The following NUP210L variants were observed in gnomAD, a reference collection of about 807,000 sequenced individuals.
NUP210L encodes nuclear pore membrane glycoprotein 210-like.
Under a neutral mutation model 208.5 loss-of-function variants are expected in NUP210L, and 74 were observed. That is an observed-to-expected ratio of 0.35 (90% CI 0.29 to 0.43). NUP210L has a LOEUF of 0.43. Ranked by LOEUF, NUP210L falls within the 20% of genes least tolerant of loss-of-function variation. The pLI is 1.00. For missense variants in NUP210L, 1,843 were observed against 2,289.4 expected, an observed-to-expected ratio of 0.81 and a Z score of 3.98; for synonymous variants, 780 against 816.9, an observed-to-expected ratio of 0.95 and a Z score of 0.77.
chr1:154,085,326 A>G (rs2494664), intron 16 of NUP210L, among the ~76,000 whole-genome samples: 82,999 of 149,610 alleles, frequency 0.55, 24,090 homozygotes, highest in East Asian at 0.89. Context: ...CTCCAGCCTC[A>G]GCGACAGAGC....
intron 2 of NUP210L, among the ~76,000 whole-genome samples, chr1:154,144,716 A>C (rs1340777477): frequency 1.3e-5 from 2 of 152,240 alleles, no homozygotes; most frequent in African/African-American, 4.8e-5. Flanking sequence ...CCAAAAAGCA[A>C]AGTTACGACC....
chr1:154,032,267 T>TG (rs1403157538), intron 27 of NUP210L, among the ~76,000 whole-genome samples: 1 of 152,182 alleles, frequency 6.6e-6, no homozygotes, highest in African/African-American at 2.4e-5. Flanking sequence ...TTTAGTTTTT[T>TG]GAAAACCTCC....
Position 154,025,538 on chromosome 1 carries a change from T to G in NUP210L, c.4122+4A>C. 5 of 1,585,924 alleles carry G rather than the reference T, an allele frequency of 3.2e-6. No homozygotes were observed. Among genetic ancestry groups the G allele is most frequent in the Non-Finnish European group, 4.3e-6 (5 of 1,162,288 alleles). On this transcript the variant is annotated splice_donor_region_variant and intron_variant, in intron 30 of 39. Transcript: ENST00000368559. ...TGTTTTTTTTAGTAAGTCCATGAAC[T>G]CACCTGGACCCCAGTTATGGTTGTT...
intron 37 of NUP210L, among the ~76,000 whole-genome samples, chr1:153,998,569 AAAG>A (rs1650029979): frequency 1.3e-5 from 2 of 151,434 alleles, no homozygotes; most frequent in Admixed American, 1.3e-4. Context: ...AAAAAAAAAA[AAAG>A]GAAAGAAAAA....
At chr1:154,154,267 A>T (rs2148170063) in intron 1 of NUP210L, among the ~76,000 whole-genome samples, 1 of 152,330 alleles carries the variant, frequency 6.6e-6, no homozygotes, top group South Asian at 2.1e-4. Flanking sequence ...GTGAAATGGG[A>T]GTAATAGTAC....
chr1:154,008,935 A>G (rs1650733303), intron 35 of NUP210L, among the ~76,000 whole-genome samples: 1 of 151,394 alleles, frequency 6.6e-6, no homozygotes, highest in Non-Finnish European at 1.5e-5. Flanking sequence ...TTTGAGATGA[A>G]GTCTTGCTCT....
At chr1:154,122,988 C>T (rs1360835843) in intron 10 of NUP210L, among the ~76,000 whole-genome samples, 1 of 148,808 alleles carries the variant, frequency 6.7e-6, no homozygotes, top group African/African-American at 2.5e-5. Flanking sequence ...GAGGTCAAGG[C>T]TGCAGTAAAC....
intron 28 of NUP210L, among the ~76,000 whole-genome samples, chr1:154,029,310 G>C (rs1489471443): frequency 7.0e-6 from 1 of 143,832 alleles, no homozygotes; most frequent in Non-Finnish European, 1.5e-5. Flanking sequence ...CCTGGGAGGA[G>C]GAGCTTGCAG....
At chr1:154,127,395 G>T (rs1382353447) in exon 9 of NUP210L, 1 of 1,596,710 alleles carries the variant, frequency 6.3e-7, no homozygotes, top group East Asian at 2.2e-5. Context: ...GACTCCATCG[G>T]TTTCCAGGTT....
chr1:154,018,881 T>A, intron 33 of NUP210L, 52 bp downstream of exon 33: 1 of 1,592,660 alleles, frequency 6.3e-7, no homozygotes, highest in Non-Finnish European at 8.6e-7. Context: ...CATATCCTCA[T>A]ATGTGGCAAT....
At chr1:154,101,408 C>T (rs576697321) in intron 13 of NUP210L, among the ~76,000 whole-genome samples, 52 of 152,028 alleles carry the variant, frequency 3.4e-4, no homozygotes, top group Middle Eastern at 3.4e-3. Flanking sequence ...ACCCCGGAGG[C>T]GGAGGTTGCA....
chr1:154,140,025 T>A, intron 4 of NUP210L, 73 bp from the exon 5 acceptor site: 2 of 1,159,868 alleles, frequency 1.7e-6, no homozygotes, highest in Non-Finnish European at 2.5e-6. Flanking sequence ...CTAAGAGACT[T>A]TAAACATAGT....
At chr1:154,085,925 A>G (rs1655600508) in intron 16 of NUP210L, among the ~76,000 whole-genome samples, 1 of 152,144 alleles carries the variant, frequency 6.6e-6, no homozygotes, top group African/African-American at 2.4e-5. Context: ...AAAAAAATGA[A>G]GTGAGGCTGG....
chr1:154,047,265 T>C (rs905250298), intron 25 of NUP210L, among the ~76,000 whole-genome samples: 5 of 151,808 alleles, frequency 3.3e-5, no homozygotes, highest in African/African-American at 1.2e-4. Flanking sequence ...GGATTGTCTG[T>C]AACACAGAAA....
At chr1:154,004,301 C>T (rs191656246) in intron 35 of NUP210L, among the ~76,000 whole-genome samples, 103 of 152,100 alleles carry the variant, frequency 6.8e-4, no homozygotes, top group African/African-American at 2.5e-3. Flanking sequence ...GATCTCCTGA[C>T]CTCGTGATCC....
chr1:154,043,744 C>T (rs369309546), intron 27 of NUP210L, among the ~76,000 whole-genome samples: 4 of 150,988 alleles, frequency 2.6e-5, no homozygotes, highest in African/African-American at 7.3e-5. Flanking sequence ...CTTCTGCTTC[C>T]GCCTCTCAAG....
intron 37 of NUP210L, chr1:153,995,573 T>C: frequency 1.3e-6 from 1 of 743,064 alleles, no homozygotes; most frequent in Non-Finnish European, 2.4e-6. Flanking sequence ...CCTCTGCTAC[T>C]TTAAAATGCT....
chr1:154,040,780 G>A lies in NUP210L; in HGVS notation c.3696+5289C>T, dbSNP rs182918324. Reference sequence around the variant, plus strand: ...TTTTTTTTTATTGTTTTTACTAGAGGTGGGGTTTCACCATGTTAGCCAAGA... The same window carrying A: ...TTTTTTTTTATTGTTTTTACTAGAGATGGGGTTTCACCATGTTAGCCAAGA... On this transcript the variant is annotated intron_variant, in intron 27 of 39. Transcript: ENST00000368559. 4.3e-4 allele frequency among the ~76,000 whole-genome samples: 65 copies of A among 152,000 alleles called. No homozygotes were observed. In the East Asian group the frequency reaches 0.011, roughly 25 times the overall value.
intron 2 of NUP210L, among the ~76,000 whole-genome samples, chr1:154,146,790 T>A (rs1659140201): frequency 6.6e-6 from 1 of 152,122 alleles, no homozygotes; most frequent in East Asian, 1.9e-4. Flanking sequence ...CACTCCTCCT[T>A]CCAAGAGGCA....
Sources: allele counts gnomAD v4.1 joint callset (sites outside exome capture counted in the v4.1 genomes callset), GRCh38; gene constraint gnomAD v4.1.1; transcripts MANE v1.5; gene names NCBI Gene and HGNC (gene_info 2026-07-23, HGNC 2026-07-21).